Variants in PTPRK observed in about 807,000 individuals in gnomAD.
PTPRK encodes protein tyrosine phosphatase receptor type K.
A neutral mutation model predicts 178.0 loss-of-function variants in PTPRK; 75 were observed. The ratio of observed to expected loss-of-function variants is 0.42; its 90% CI spans 0.35 to 0.51. The LOEUF (loss-of-function observed/expected upper bound fraction) is 0.51. PTPRK is among the 20% of genes least tolerant of loss of function. PTPRK has a pLI of 0.02. For missense variants in PTPRK, 1,441 were observed against 1,797.8 expected (o/e 0.80, Z 3.59); for synonymous variants, 637 against 620.6 (o/e 1.03, Z -0.39).
chr6:128,103,207 G>A (rs1292815480), intron 7 of PTPRK, among the ~76,000 whole-genome samples: 4 of 152,132 alleles, frequency 2.6e-5, no homozygotes, highest in East Asian at 3.9e-4. Flanking sequence ...CCGTGAAACA[G>A]CCAAACTCCA....
chr6:128,344,825 C>T (rs1194095776), intron 2 of PTPRK, among the ~76,000 whole-genome samples: 1 of 152,098 alleles, frequency 6.6e-6, no homozygotes, highest in African/African-American at 2.4e-5. Flanking sequence ...CCACCCCTCA[C>T]TTCTAAAGAG....
intron 7 of PTPRK, among the ~76,000 whole-genome samples, chr6:128,094,470 A>T (rs1787568677): frequency 6.6e-6 from 1 of 152,186 alleles, no homozygotes; most frequent in African/African-American, 2.4e-5. Context: ...GAATGGATAC[A>T]ATATAGCTAA....
intron 14 of PTPRK, among the ~76,000 whole-genome samples, chr6:128,006,922 G>A (rs1369907040): frequency 6.6e-6 from 1 of 150,786 alleles, no homozygotes; most frequent in Non-Finnish European, 1.5e-5. Flanking sequence ...AAAAGACATG[G>A]AACTGTTTTC....
chr6:128,370,738 C>A lies in PTPRK; in HGVS notation c.223+26828G>T, dbSNP rs564411264. Among the ~76,000 whole-genome samples, 227 of 152,094 alleles carry A rather than the reference C, an allele frequency of 1.5e-3. 3 individuals are homozygous for A. The highest frequency in any genetic ancestry group is 5.0e-3 in the African/African-American group (209 of 41,508). On this transcript the variant is annotated intron_variant, in intron 2 of 29. Transcript: ENST00000368226. ...GTTATTACTATTTTTAAAGTCAATTCATCTCACAAAAAAGCACGCTTAGCT... is the reference window on the plus strand; with the variant it reads ...GTTATTACTATTTTTAAAGTCAATTAATCTCACAAAAAAGCACGCTTAGCT...
At chr6:128,165,898 G>T (rs1006128094) in intron 7 of PTPRK, among the ~76,000 whole-genome samples, 2 of 151,424 alleles carry the variant, frequency 1.3e-5, no homozygotes, top group Non-Finnish European at 3.0e-5. Context: ...AAACATATAC[G>T]TAAAAAACAT....
rs1773738451 is a variant in PTPRK, at chr6:127,970,074, A to G, written c.*153T>C. 1 of 536,962 alleles carries G rather than the reference A, an allele frequency of 1.9e-6. No individual in the cohort carries two copies. The highest frequency in any genetic ancestry group is 2.0e-5 in the African/African-American group (1 of 51,252). 33.3% of individuals were successfully genotyped at this position (536,962 alleles called of 1,614,324 possible). On this transcript the variant is annotated 3_prime_UTR_variant, in exon 30 of 30. Coordinates refer to ENST00000368226, the MANE Select transcript of PTPRK (RefSeq NM_002844.4). ...TCAGTCCTTTTTATTAAGATACACA[A>G]CTTCATAAAAAAAATACTTTTACCT...
At chr6:128,307,430 TAAC>T (rs1826577951) in intron 3 of PTPRK, among the ~76,000 whole-genome samples, 2 of 149,556 alleles carry the variant, frequency 1.3e-5, no homozygotes, top group South Asian at 4.2e-4. Context: ...AAGAGCTTCT[TAAC>T]AAAGTCATTC....
intron 2 of PTPRK, among the ~76,000 whole-genome samples, chr6:128,359,349 G>T (rs1370854789): frequency 6.6e-6 from 1 of 152,260 alleles, no homozygotes; most frequent in Middle Eastern, 3.4e-3. Flanking sequence ...GTATAACAAA[G>T]TTATTCTCTG....
chr6:128,493,665 C>T (rs1334143466), intron 1 of PTPRK, among the ~76,000 whole-genome samples: 2 of 145,988 alleles, frequency 1.4e-5, no homozygotes, highest in African/African-American at 2.5e-5. Context: ...TATACTTATA[C>T]TGTGGTCAAT....
intron 6 of PTPRK, among the ~76,000 whole-genome samples, chr6:128,201,210 A>C (rs1437693101): frequency 6.6e-6 from 1 of 152,204 alleles, no homozygotes; most frequent in Non-Finnish European, 1.5e-5. Flanking sequence ...ACACTTCCAA[A>C]ATTTTCTTAG....
intron 2 of PTPRK, among the ~76,000 whole-genome samples, chr6:128,335,672 T>C (rs1003314179): frequency 6.6e-6 from 1 of 151,964 alleles, no homozygotes; most frequent in African/African-American, 2.4e-5. Flanking sequence ...ACTGAGATCC[T>C]AGGATATAAA....
intron 13 of PTPRK, among the ~76,000 whole-genome samples, chr6:128,058,526 A>G (rs1780282453): frequency 6.6e-6 from 1 of 152,016 alleles, no homozygotes; most frequent in Non-Finnish European, 1.5e-5. Context: ...AATAGTTTTT[A>G]AATATGTTTT....
chr6:128,259,737 C>T (rs933423984), intron 3 of PTPRK, among the ~76,000 whole-genome samples: 7 of 152,096 alleles, frequency 4.6e-5, no homozygotes, highest in Non-Finnish European at 1.0e-4. Context: ...AATCATAAAT[C>T]CCTAGGAAAG....
chr6:128,392,672 C>T (rs1244229485), intron 2 of PTPRK, among the ~76,000 whole-genome samples: 1 of 152,070 alleles, frequency 6.6e-6, no homozygotes, highest in Non-Finnish European at 1.5e-5. Context: ...CTCTTATTCT[C>T]TATGGGTTCT....
At chr6:128,027,119 C>T (rs1380759356) in intron 13 of PTPRK, among the ~76,000 whole-genome samples, 1 of 152,144 alleles carries the variant, frequency 6.6e-6, no homozygotes, top group Non-Finnish European at 1.5e-5. Context: ...AATGTACATA[C>T]CTAACACACA....
chr6:128,092,467 C>A (rs942766734), intron 7 of PTPRK, among the ~76,000 whole-genome samples: 1 of 152,026 alleles, frequency 6.6e-6, no homozygotes, highest in Non-Finnish European at 1.5e-5. Context: ...AATTGGCATG[C>A]ACCTTAAATT....
At chr6:128,017,703 C>T (rs2114747210) in intron 13 of PTPRK, among the ~76,000 whole-genome samples, 1 of 147,146 alleles carries the variant, frequency 6.8e-6, no homozygotes, top group Middle Eastern at 3.6e-3. Flanking sequence ...CTCACTCTCT[C>T]TCTCTCTCCT....
chr6:128,241,427 C>T (rs61583694), intron 4 of PTPRK: 25,912 of 417,392 alleles, frequency 0.062, 2,466 homozygotes, highest in East Asian at 0.33. Context: ...TAGGTGATTC[C>T]GAAGCACACT....
intron 7 of PTPRK, among the ~76,000 whole-genome samples, chr6:128,155,029 T>A (rs1017489777): frequency 1.3e-5 from 2 of 151,798 alleles, no homozygotes; most frequent in Admixed American, 1.3e-4. Context: ...ACACAGCACT[T>A]GGGTGATTAA....
Sources: gnomAD v4.1 joint callset for allele counts (sites outside exome capture counted in the v4.1 genomes callset) on GRCh38, gnomAD v4.1.1 for gene constraint, MANE v1.5 for transcripts, NCBI Gene and HGNC (gene_info 2026-07-23, HGNC 2026-07-21) for gene names.